ADAM12: variants seen among roughly 807,000 people sequenced by gnomAD.
ADAM12 encodes the protein disintegrin and metalloproteinase domain-containing protein 12.
Under a neutral mutation model 106.4 loss-of-function variants are expected in ADAM12, and 70 were observed. The ratio of observed to expected loss-of-function variants is 0.66; its 90% CI spans 0.54 to 0.80. The LOEUF is 0.80. Ranked by LOEUF, ADAM12 falls within the 30% of genes least tolerant of loss-of-function variation. The pLI is 0.00. For missense variants in ADAM12, 1,010 were observed against 1,171.9 expected (o/e 0.86, Z 2.02); for synonymous variants, 420 against 433.5 (o/e 0.97, Z 0.39).
At chr10:126,169,219 G>A (rs1041126646) in intron 3 of ADAM12, among the ~76,000 whole-genome samples, 1 of 152,006 alleles carries the variant, frequency 6.6e-6, no homozygotes, top group Non-Finnish European at 1.5e-5. Context: ...TCTCTGCCTC[G>A]CCAACTCTTA....
chr10:126,087,307 GCA>G (rs930512461), intron 11 of ADAM12, among the ~76,000 whole-genome samples: 1 of 152,186 alleles, frequency 6.6e-6, no homozygotes, highest in Non-Finnish European at 1.5e-5. Flanking sequence ...AGAACAGGCT[GCA>G]TATTGATGCG....
At chr10:126,033,518 C>A (rs1380589981) in intron 21 of ADAM12, among the ~76,000 whole-genome samples, 1 of 152,102 alleles carries the variant, frequency 6.6e-6, no homozygotes, top group African/African-American at 2.4e-5. Context: ...GGCCTGGGCT[C>A]TGGATAGGCC....
chr10:126,342,173 T>C (rs146095071), intron 1 of ADAM12, among the ~76,000 whole-genome samples: 27 of 152,298 alleles, frequency 1.8e-4, no homozygotes, highest in Admixed American at 1.4e-3. Flanking sequence ...AAGGTGGGAC[T>C]TCAAGCACTG....
intron 1 of ADAM12, among the ~76,000 whole-genome samples, chr10:126,346,757 A>T (rs1855155749): frequency 6.6e-6 from 1 of 152,088 alleles, no homozygotes; most frequent in Admixed American, 6.5e-5. Flanking sequence ...TGTTGAATTG[A>T]TCCCTTTACC....
At chr10:126,365,785 G>A (rs1388575314) in intron 1 of ADAM12, among the ~76,000 whole-genome samples, 7 of 152,164 alleles carry the variant, frequency 4.6e-5, no homozygotes, top group Non-Finnish European at 8.8e-5. Context: ...AATTCAAGAT[G>A]AGATTTGGGT....
intron 1 of ADAM12, among the ~76,000 whole-genome samples, chr10:126,349,345 A>C (rs1436053255): frequency 6.6e-6 from 1 of 152,262 alleles, no homozygotes; most frequent in Non-Finnish European, 1.5e-5. Flanking sequence ...AGCCAAAAGC[A>C]GTCTAACAAA....
chr10:126,019,794 G>C lies in ADAM12; in HGVS notation c.2561C>G (p.Pro854Arg). 6.2e-7 allele frequency: 1 copy of C among 1,614,072 alleles called. No individual in the cohort carries two copies. Among genetic ancestry groups the C allele is most frequent in the South Asian group, 1.1e-5 (1 of 91,058 alleles). ...GTCKPNPPQK[P>R]LPADPLARTT... ...TCTGGCCAGAGGATCTGCAGGCAGA[G>C]GCTTCTGAGGGGGGTTTGGCTTACA... The change falls in exon 22 of 23, where the codon CCT (proline) becomes CGT (arginine). Residue 854 changes from proline (P) to arginine (R), a missense_variant. By Grantham distance (103) the Pro-to-Arg change is moderately radical. This residue lies in a region of ADAM12 where 615 missense variants were observed against 708.5 expected (regional missense o/e 0.87). Coordinates refer to ENST00000448723, the MANE Select transcript of ADAM12 (RefSeq NM_001288973.2).
intron 14 of ADAM12, among the ~76,000 whole-genome samples, chr10:126,062,627 C>A (rs533900828): frequency 2.0e-5 from 3 of 152,216 alleles, no homozygotes; most frequent in Admixed American, 2.0e-4. Context: ...CAGAGGCACA[C>A]AGCCAGCTGA....
At chr10:126,090,420 C>G (rs1255635808) in intron 11 of ADAM12, among the ~76,000 whole-genome samples, 1 of 151,676 alleles carries the variant, frequency 6.6e-6, no homozygotes, top group Admixed American at 6.6e-5. Context: ...ATATTCTTTG[C>G]TATGAGTGTT....
intron 3 of ADAM12, among the ~76,000 whole-genome samples, chr10:126,192,865 T>G (rs1002935936): frequency 6.6e-6 from 1 of 152,260 alleles, no homozygotes; most frequent in African/African-American, 2.4e-5. Flanking sequence ...GTTTCTACCA[T>G]GTAATTCTGC....
At chr10:126,261,105 T>C (rs1043508181) in intron 3 of ADAM12, among the ~76,000 whole-genome samples, 4 of 152,224 alleles carry the variant, frequency 2.6e-5, no homozygotes, top group Admixed American at 6.5e-5. Flanking sequence ...ATTTAAAGTA[T>C]ACAGTAGGTT....
chr10:126,020,260 G>C (rs1272924410), intron 21 of ADAM12, among the ~76,000 whole-genome samples: 1 of 152,220 alleles, frequency 6.6e-6, no homozygotes, highest in Non-Finnish European at 1.5e-5. Context: ...GGGTGGATGA[G>C]ACGGTGAGGA....
In ADAM12 at chr10:126,359,103, C is replaced by T. The variant is rs147919654; in HGVS notation, c.89-28594G>A. On this transcript the variant is annotated intron_variant, in intron 1 of 22. Coordinates refer to ENST00000448723, the MANE Select transcript of ADAM12 (RefSeq NM_001288973.2). ...CCTGTTTTTAAACCATCATATCTCA[C>T]GAGACTTATTCACTATCACCAGAAC... Among the ~76,000 whole-genome samples, 667 of 152,202 alleles carry T rather than the reference C, an allele frequency of 4.4e-3. 13 individuals carry two copies. In the East Asian group the frequency reaches 0.055, roughly 13 times the overall value.
chr10:126,164,670 A>G (rs1956993552), intron 3 of ADAM12, among the ~76,000 whole-genome samples: 1 of 152,224 alleles, frequency 6.6e-6, no homozygotes, highest in Admixed American at 6.5e-5. Context: ...ATCACAGGTA[A>G]ATAAATATAG....
At chr10:126,164,268 CA>C (rs1476584328) in intron 3 of ADAM12, among the ~76,000 whole-genome samples, 1 of 152,186 alleles carries the variant, frequency 6.6e-6, no homozygotes, top group Non-Finnish European at 1.5e-5. Context: ...CAAAGTGTCA[CA>C]AGACAGTTCT....
At chr10:126,313,008 C>T (rs1044615736) in intron 2 of ADAM12, among the ~76,000 whole-genome samples, 1 of 152,216 alleles carries the variant, frequency 6.6e-6, no homozygotes, top group Non-Finnish European at 1.5e-5. Context: ...GACAACATCA[C>T]ACGTTGCTAC....
chr10:126,285,136 G>A (rs1201460133), intron 2 of ADAM12, among the ~76,000 whole-genome samples: 1 of 152,218 alleles, frequency 6.6e-6, no homozygotes, highest in Non-Finnish European at 1.5e-5. Flanking sequence ...ACAGAGGTCT[G>A]TGGAATGGAC....
chr10:126,252,795 T>C (rs942195732), intron 3 of ADAM12, among the ~76,000 whole-genome samples: 2 of 151,992 alleles, frequency 1.3e-5, no homozygotes, highest in African/African-American at 2.4e-5. Flanking sequence ...CCCAGTCAAG[T>C]TGACACCTAA....
chr10:126,148,874 C>A (rs1346461956), intron 4 of ADAM12, among the ~76,000 whole-genome samples: 1 of 152,074 alleles, frequency 6.6e-6, no homozygotes, highest in Non-Finnish European at 1.5e-5. Flanking sequence ...CAGCCAAAAG[C>A]CTCAGGACCC....
Sources: gnomAD v4.1 joint callset for allele counts (sites outside exome capture counted in the v4.1 genomes callset) on GRCh38, gnomAD v4.1.1 for gene constraint, gnomAD v4.1.1 regional missense constraint, MANE v1.5 for transcripts, NCBI Gene and HGNC (gene_info 2026-07-23, HGNC 2026-07-21) for gene names.